COL19A1: variants seen among roughly 807,000 people sequenced by gnomAD.
COL19A1 encodes collagen alpha-1(XIX) chain.
COL19A1 carries 159 observed loss-of-function variants against 190.2 expected under a neutral mutation model. That is an observed-to-expected ratio of 0.84 (90% CI 0.73 to 0.95). COL19A1 has a LOEUF of 0.95. Among genes scored for constraint, COL19A1 ranks in the 40% least tolerant of loss-of-function variants. The probability of loss-of-function intolerance (pLI) is 0.00; values close to 1 mark genes in which losing one functional copy is unlikely to be tolerated. For missense variants in COL19A1, 1,418 were observed against 1,431.9 expected (o/e 0.99, Z 0.16); for synonymous variants, 509 against 458.9 (o/e 1.11, Z -1.39).
chr6:69,901,318 T>C (rs1770175347), intron 4 of COL19A1, among the ~76,000 whole-genome samples: 1 of 152,240 alleles, frequency 6.6e-6, no homozygotes, highest in Non-Finnish European at 1.5e-5. Flanking sequence ...GCTCAGACGT[T>C]CTGTGTAAAT....
intron 14 of COL19A1, among the ~76,000 whole-genome samples, chr6:70,045,312 C>CAA (rs34047162): frequency 2.1e-3 from 146 of 67,952 alleles, no homozygotes; most frequent in Middle Eastern, 7.7e-3. Flanking sequence ...GACTCTGTCT[C>CAA]AAAAAAAAAA....
chr6:70,150,620 C>T (rs993385293), intron 30 of COL19A1, among the ~76,000 whole-genome samples: 1 of 152,056 alleles, frequency 6.6e-6, no homozygotes, highest in African/African-American at 2.4e-5. Context: ...TTTGAGAGGC[C>T]ATATGGTACA....
chr6:70,046,669 A>G (rs191172955), intron 14 of COL19A1, among the ~76,000 whole-genome samples: 8 of 115,572 alleles, frequency 6.9e-5, no homozygotes, highest in Admixed American at 6.7e-4. Flanking sequence ...TGATTATGAT[A>G]CAAAGTTTAA....
At position 69,963,010 on chromosome 6, in the gene COL19A1, C is replaced by T. The variant is rs7761144; in HGVS notation, c.1026+140C>T. ...TAGACATAACTAAAACATTTGCTTC[C>T]ATTGAGGTAGAATAAATATATTAAT... On this transcript the variant is annotated intron_variant, in intron 11 of 50. Transcript: ENST00000620364. 0.01 allele frequency: 5,358 copies of T among 534,122 alleles called. 163 individuals are homozygous for T. Among genetic ancestry groups the T allele is most frequent in the African/African-American group, 0.071 (3,614 of 51,242 alleles). The allele number at this position is 534,122 out of a possible 1,614,324, so 33.1% of individuals were successfully genotyped here. A position where few individuals can be genotyped will look rare whatever the true frequency, so the allele number is the denominator to read the frequency against.
intron 11 of COL19A1, among the ~76,000 whole-genome samples, chr6:69,979,428 T>A (rs1179480626): frequency 6.6e-6 from 1 of 151,888 alleles, no homozygotes; most frequent in African/African-American, 2.4e-5. Flanking sequence ...AATGATTATA[T>A]CAGTAGATGC....
intron 11 of COL19A1, among the ~76,000 whole-genome samples, chr6:69,977,373 T>G (rs1448120416): frequency 1.7e-5 from 2 of 116,494 alleles, no homozygotes; most frequent in East Asian, 5.8e-4. Flanking sequence ...TGAGAACACA[T>G]GGACACAGGG....
At chr6:70,115,825 G>GTTTTTTTTTTTTTTT (rs57814985) in intron 16 of COL19A1, among the ~76,000 whole-genome samples, 1 of 117,202 alleles carries the variant, frequency 8.5e-6, no homozygotes, top group Non-Finnish European at 1.7e-5. Context: ...TTGGTGTTTT[G>GTTTTTTTTTTTTTTT]TTTTTTTTTT....
intron 37 of COL19A1, among the ~76,000 whole-genome samples, chr6:70,166,520 A>T (rs1391098114): frequency 1.3e-5 from 2 of 152,232 alleles, no homozygotes; most frequent in Non-Finnish European, 2.9e-5. Flanking sequence ...AACGGTGGAG[A>T]GGAGAGGAGC....
At chr6:70,119,502 C>G (rs1251670550) in intron 16 of COL19A1, among the ~76,000 whole-genome samples, 2 of 152,122 alleles carry the variant, frequency 1.3e-5, no homozygotes, top group African/African-American at 4.8e-5. Flanking sequence ...CCAGTATTCT[C>G]TAGGGTACAC....
rs1787433437 is a variant in COL19A1 at position 70,156,296 on chromosome 6, G to GTTC, written c.2185-16_2185-14dup. 6.2e-7 allele frequency: 1 copy of GTTC among 1,613,100 alleles called. No individual in the cohort carries two copies. Among genetic ancestry groups the GTTC allele is most frequent in the Non-Finnish European group, 8.5e-7 (1 of 1,179,526 alleles). On this transcript the variant is annotated intron_variant, in intron 32 of 50. Transcript: ENST00000620364. The stretch of plus-strand genomic sequence containing the variant: ...ACATGTAGTGCATCCTCTCAGTTCT[G>GTTC]TTCTTCCTCTGTCTTCTAGGGTGAT...
intron 1 of COL19A1, among the ~76,000 whole-genome samples, chr6:69,871,944 G>A (rs1767862688): frequency 6.6e-6 from 1 of 151,552 alleles, no homozygotes; most frequent in Non-Finnish European, 1.5e-5. Flanking sequence ...AGCCTCCTGA[G>A]TAGCTGGGAC....
chr6:69,902,251 A>G (rs117414032), intron 4 of COL19A1, among the ~76,000 whole-genome samples: 325 of 152,320 alleles, frequency 2.1e-3, no homozygotes, highest in Non-Finnish European at 3.5e-3. Flanking sequence ...AGCTATTTAT[A>G]TATTTGTAAA....
At chr6:70,126,567 TG>T (rs1785208837) in intron 17 of COL19A1, among the ~76,000 whole-genome samples, 1 of 152,176 alleles carries the variant, frequency 6.6e-6, no homozygotes, top group African/African-American at 2.4e-5. Flanking sequence ...GCTGGTGAAA[TG>T]GTTTTTTGCA....
At chr6:70,179,927 G>A (rs1186034338) in intron 42 of COL19A1, among the ~76,000 whole-genome samples, 2 of 152,038 alleles carry the variant, frequency 1.3e-5, no homozygotes, top group Admixed American at 6.5e-5. Context: ...CCGTCACCCA[G>A]GCTGGAGTGA....
chr6:70,067,996 C>G (rs897723681), intron 14 of COL19A1, among the ~76,000 whole-genome samples: 1 of 151,996 alleles, frequency 6.6e-6, no homozygotes, highest in Non-Finnish European at 1.5e-5. Flanking sequence ...GAAGCCAACA[C>G]CATAATCATG....
chr6:70,193,844 T>C (rs1767027680), intron 48 of COL19A1, among the ~76,000 whole-genome samples: 1 of 152,196 alleles, frequency 6.6e-6, no homozygotes, highest in Non-Finnish European at 1.5e-5. Flanking sequence ...GAAATCACTT[T>C]TTCCATGGCT....
chr6:70,088,017 G>T (rs948688639), intron 15 of COL19A1, among the ~76,000 whole-genome samples: 2 of 152,140 alleles, frequency 1.3e-5, no homozygotes, highest in Non-Finnish European at 2.9e-5. Flanking sequence ...ATCTGAATGT[G>T]TTCAGCCACC....
intron 11 of COL19A1, among the ~76,000 whole-genome samples, chr6:69,980,366 T>C (rs1775970931): frequency 6.6e-6 from 1 of 152,110 alleles, no homozygotes; most frequent in South Asian, 2.1e-4. Flanking sequence ...CTACCGAGTC[T>C]ATCCACGAAA....
chr6:69,870,842 C>T (rs187917622), intron 1 of COL19A1, among the ~76,000 whole-genome samples: 1 of 152,140 alleles, frequency 6.6e-6, no homozygotes. Flanking sequence ...GCAGTTTCAG[C>T]GAGGATGAGA....
Sources: gnomAD v4.1 joint callset for allele counts (sites outside exome capture counted in the v4.1 genomes callset) on GRCh38, gnomAD v4.1.1 for gene constraint, MANE v1.5 for transcripts, NCBI Gene and HGNC (gene_info 2026-07-23, HGNC 2026-07-21) for gene names.